CPM: variants seen among roughly 807,000 people sequenced by gnomAD.
CPM encodes carboxypeptidase M.
Under a neutral mutation model 46.4 loss-of-function variants are expected in CPM, and 35 were observed. The ratio of observed to expected loss-of-function variants is 0.75; its 90% confidence interval spans 0.58 to 1.00. The LOEUF (loss-of-function observed/expected upper bound fraction) is 1.00, where lower values mean the gene tolerates loss of function less well. Among genes scored for constraint, CPM ranks in the 50% least tolerant of loss-of-function variants. The pLI is 0.00. For synonymous variants in CPM, 195 were observed against 195.3 expected, an observed-to-expected ratio of 1.00 and a Z score of 0.01; for missense variants, 422 against 530.4, an observed-to-expected ratio of 0.80 and a Z score of 2.01.
chr12:68,859,838 T>C (rs1885133115), intron 7 of CPM, among the ~76,000 whole-genome samples: 1 of 152,178 alleles, frequency 6.6e-6, no homozygotes, highest in Admixed American at 6.5e-5. Context: ...TAAAAAGCCA[T>C]TTATATTTTA....
intron 2 of CPM, among the ~76,000 whole-genome samples, chr12:68,886,888 T>G (rs944452662): frequency 6.6e-6 from 1 of 152,210 alleles, no homozygotes; most frequent in Admixed American, 6.5e-5. Flanking sequence ...TGTGCAGATA[T>G]TATGTGTGCT....
In CPM at chr12:68,858,995, A is replaced by G. The variant is rs1346259252; in HGVS notation, c.1017T>C (p.His339=). Residue 339 remains histidine (H), a synonymous_variant, in exon 8 of 9, where the codon CAT becomes CAC. Transcript: ENST00000551568. ...ATTTGTTGGTTCTATAGGGGCAGAT[A>G]TGTTTTCTGTCTTGGACTTCCACAA... ...NVIVEVQDRK[H]ICPYRTNKYG... 2.5e-6 allele frequency: 4 copies of G among 1,576,102 alleles called. No homozygotes were observed. Among genetic ancestry groups the G allele is most frequent in the Non-Finnish European group, 1.7e-6 (2 of 1,161,008 alleles).
intron 2 of CPM, among the ~76,000 whole-genome samples, chr12:68,891,462 TTTA>T (rs1356699939): frequency 1.3e-5 from 2 of 152,238 alleles, no homozygotes; most frequent in Non-Finnish European, 2.9e-5. Context: ...ATGCTTGCAT[TTTA>T]TTATTCACAG....
chr12:68,939,614 T>C (rs1471836128), intron 1 of CPM, among the ~76,000 whole-genome samples: 1 of 152,052 alleles, frequency 6.6e-6, no homozygotes, highest in Non-Finnish European at 1.5e-5. Flanking sequence ...TTTACAGTTG[T>C]AAAATGTGCA....
intron 2 of CPM, among the ~76,000 whole-genome samples, chr12:68,886,315 AAAGAAAAAAAAAC>A (rs1886423611): frequency 1.2e-5 from 1 of 83,736 alleles, no homozygotes; most frequent in Non-Finnish European, 3.2e-5. Context: ...CAGTACAAGG[AAAGAAAAAAAAAC>A]AACAGCAATA....
intron 6 of CPM, among the ~76,000 whole-genome samples, chr12:68,868,664 T>C (rs773189047): frequency 3.3e-5 from 5 of 152,152 alleles, no homozygotes; most frequent in Non-Finnish European, 5.9e-5. Context: ...TACCCGGCTG[T>C]CTTATTCCAA....
rs541782216 is a variant in CPM, at chr12:68,882,496, C to T, written c.258+3296G>A. Among the ~76,000 whole-genome samples the T allele has an allele frequency of 5.3e-5, 8 of 152,272 alleles. No individual in the cohort carries two copies. In the South Asian group the frequency reaches 1.7e-3, roughly 32 times the overall value. ...GTGGGCATCTAGACTAACCCTATGT[C>T]TTTGCTATTGTGAATAGCGCTGCAA... On this transcript the variant is annotated intron_variant, in intron 3 of 8. Transcript: ENST00000551568.
In CPM at chr12:68,962,187, G is replaced by A. The variant is rs553991001; in HGVS notation, c.-4+982C>T. ...TGCACTCCAGCCTGGGCGACAGAGC[G>A]AGACTCCATCTCAAAAAAAAAAAAA... On this transcript the variant is annotated intron_variant, in intron 1 of 8. Transcript: ENST00000546373. Among the ~76,000 whole-genome samples, 580 of 125,928 alleles carry A rather than the reference G, an allele frequency of 4.6e-3. 3 individuals are homozygous for A. Among genetic ancestry groups the A allele is most frequent in the African/African-American group, 0.017 (517 of 30,376 alleles). 82.6% of individuals were successfully genotyped at this position (125,928 alleles called of 152,430 possible). A position where few individuals can be genotyped will look rare whatever the true frequency, so the allele number is the denominator to read the frequency against.
At chr12:68,893,567 G>A (rs1004215609) in intron 2 of CPM, among the ~76,000 whole-genome samples, 1 of 152,220 alleles carries the variant, frequency 6.6e-6, no homozygotes, top group Non-Finnish European at 1.5e-5. Flanking sequence ...CTGCTCTGAA[G>A]TAATGAAGGG....
chr12:68,932,394 C>T (rs1888546687), intron 2 of CPM, among the ~76,000 whole-genome samples: 1 of 152,172 alleles, frequency 6.6e-6, no homozygotes, highest in Non-Finnish European at 1.5e-5. Context: ...AACATACATC[C>T]CAAATAACCA....
In CPM at chr12:68,872,330, G is replaced by A. The variant is rs376264122; in HGVS notation, c.259-374C>T. Among the ~76,000 whole-genome samples, 39 of 134,484 alleles carry A rather than the reference G, an allele frequency of 2.9e-4. 2 individuals are homozygous for A. In the South Asian group the frequency reaches 8.4e-3, roughly 29 times the overall value. 88.2% of individuals were successfully genotyped at this position (134,484 alleles called of 152,430 possible). A position where few individuals can be genotyped will look rare whatever the true frequency, so the allele number is the denominator to read the frequency against. On this transcript the variant is annotated intron_variant, in intron 3 of 8. Coordinates refer to ENST00000551568, the MANE Select transcript of CPM (RefSeq NM_198320.5). ...TGCATTGGCGCGATCTTGGCTCATT[G>A]CAACCTCCGCCTCCTGGGTTCAAGC...
At position 68,853,930 on chromosome 12, in the gene CPM, A is replaced by G. The variant is rs1055370206; in HGVS notation, c.*2507T>C. On this transcript the variant is annotated 3_prime_UTR_variant, in exon 9 of 9. Coordinates refer to ENST00000551568, the MANE Select transcript of CPM (RefSeq NM_198320.5). Reference sequence around the variant, plus strand: ...TTTCTGTTTAGTGCTTTACCCCTTAATTCTTATAGGTAACGGTCTAATACA... The same window carrying G: ...TTTCTGTTTAGTGCTTTACCCCTTAGTTCTTATAGGTAACGGTCTAATACA... 1 of 151,978 alleles carries G rather than the reference A, an allele frequency of 6.6e-6. No homozygotes were observed. The highest frequency in any genetic ancestry group is 2.4e-5 in the African/African-American group (1 of 41,382). The allele number at this position is 151,978 out of a possible 1,614,324, so 9.4% of individuals were successfully genotyped here. A position where few individuals can be genotyped will look rare whatever the true frequency, so the allele number is the denominator to read the frequency against.
At chr12:68,844,683 C>T (rs1040034861) in intron 5 of CPM, 82 of 223,242 alleles carry the variant, frequency 3.7e-4, no homozygotes, top group African/African-American at 1.7e-3. Context: ...AAAGCAGGAG[C>T]TTGTGGGCCC....
intron 1 of CPM, among the ~76,000 whole-genome samples, chr12:68,957,139 T>C (rs1050865804): frequency 2.6e-5 from 4 of 152,134 alleles, no homozygotes; most frequent in African/African-American, 9.7e-5. Context: ...GATTGTATCA[T>C]AAAAATCCAG....
At chr12:68,934,682 G>A (rs112063755), upstream of CPM, among the ~76,000 whole-genome samples, 752 of 152,200 alleles carry the variant, frequency 4.9e-3, 9 homozygotes, top group African/African-American at 0.017. Flanking sequence ...AAGAACTGAG[G>A]CGCTCACGGG....
chr12:68,847,199 T>C (rs1227203914), downstream of CPM: 1 of 130,528 alleles, frequency 7.7e-6, no homozygotes, highest in African/African-American at 3.3e-5. Flanking sequence ...GTGTACATTA[T>C]ATATATATAT....
chr12:68,886,294 G>T (rs1886422414), intron 2 of CPM, among the ~76,000 whole-genome samples: 1 of 147,682 alleles, frequency 6.8e-6, no homozygotes, highest in Non-Finnish European at 1.5e-5. Context: ...CTGGGAGGGT[G>T]TCATAACTCG....
intron 2 of CPM, among the ~76,000 whole-genome samples, chr12:68,911,322 C>T (rs965938524): frequency 1.3e-5 from 2 of 152,118 alleles, no homozygotes; most frequent in Admixed American, 6.6e-5. Context: ...TGGCCCAGGT[C>T]CCAAAGTGTG....
chr12:68,904,808 T>C (rs1887268455), intron 2 of CPM, among the ~76,000 whole-genome samples: 1 of 152,230 alleles, frequency 6.6e-6, no homozygotes, highest in African/African-American at 2.4e-5. Context: ...AGGATCCTCA[T>C]AGTGATTCAG....
Sources: gnomAD v4.1 joint callset for allele counts (sites outside exome capture counted in the v4.1 genomes callset) on GRCh38, gnomAD v4.1.1 for gene constraint, MANE v1.5 for transcripts, NCBI Gene and HGNC (gene_info 2026-07-23, HGNC 2026-07-21) for gene names.